Variants in PARM1 observed in about 807,000 individuals in gnomAD.
PARM1 encodes WSC4, cell wall integrity and stress response component 4 homolog.
In PARM1, 14 loss-of-function variants were observed where a neutral mutation model predicts 24.6. That is an observed-to-expected ratio of 0.57 (90% CI 0.38 to 0.89). The LOEUF is 0.89. PARM1 is among the 40% of genes least tolerant of loss of function. PARM1 has a pLI of 0.00. For synonymous variants in PARM1, 179 were observed against 156.6 expected (o/e 1.14, Z -1.07); for missense variants, 362 against 380.4 (o/e 0.95, Z 0.40).
chr4:74,964,165 A>G (rs1721842227), intron 1 of PARM1, among the ~76,000 whole-genome samples: 1 of 152,190 alleles, frequency 6.6e-6, no homozygotes, highest in African/African-American at 2.4e-5. Context: ...AGAGAGGGAC[A>G]AGTCAATTAG....
At chr4:74,995,636 A>G (rs574981785) in intron 1 of PARM1, among the ~76,000 whole-genome samples, 2 of 152,114 alleles carry the variant, frequency 1.3e-5, no homozygotes, top group Non-Finnish European at 2.9e-5. Flanking sequence ...TATGGGTCCT[A>G]TGAGAAGTAC....
rs182168283 is a variant in PARM1, at chr4:74,948,937, G to A, written c.43+15567G>A. 6.2e-3 allele frequency among the ~76,000 whole-genome samples: 944 copies of A among 152,140 alleles called. 4 individuals are homozygous for A. Among genetic ancestry groups the A allele is most frequent in the Non-Finnish European group, 0.01 (692 of 67,988 alleles). On this transcript the variant is annotated intron_variant, in intron 1 of 3. Coordinates refer to ENST00000307428, the MANE Select transcript of PARM1 (RefSeq NM_015393.4). ...CTTGGGAGGCTGAGGCAGAAGAATCGCTTGAACCCAGGAGGCGGAGGTTGC... is the reference window on the plus strand; with the variant it reads ...CTTGGGAGGCTGAGGCAGAAGAATCACTTGAACCCAGGAGGCGGAGGTTGC...
chr4:75,035,845 C>T (rs1723358350), intron 3 of PARM1, among the ~76,000 whole-genome samples: 1 of 152,110 alleles, frequency 6.6e-6, no homozygotes, highest in Non-Finnish European at 1.5e-5. Flanking sequence ...AAGTTTCCCC[C>T]AGATTTAAAA....
intron 1 of PARM1, among the ~76,000 whole-genome samples, chr4:74,933,687 T>C (rs1159330186): frequency 6.6e-6 from 1 of 152,334 alleles, no homozygotes; most frequent in Admixed American, 6.5e-5. Context: ...AGGCTTCTCT[T>C]TCTTCACCAG....
chr4:75,008,764 A>G (rs1390249034), intron 1 of PARM1, among the ~76,000 whole-genome samples: 1 of 152,186 alleles, frequency 6.6e-6, no homozygotes, highest in Non-Finnish European at 1.5e-5. Flanking sequence ...AAATTCTTGA[A>G]TGAATGAATG....
chr4:74,964,577 A>ACACACACACACACACACACACACT (rs377411929), intron 1 of PARM1, among the ~76,000 whole-genome samples: 5 of 151,926 alleles, frequency 3.3e-5, no homozygotes, highest in African/African-American at 7.3e-5. Flanking sequence ...ACACACACAC[A>ACACACACACACACACACACACACT]CATTGCATCC....
intron 2 of PARM1, among the ~76,000 whole-genome samples, chr4:75,015,424 G>A (rs1332459198): frequency 6.6e-6 from 1 of 152,184 alleles, no homozygotes; most frequent in Non-Finnish European, 1.5e-5. Context: ...GAAGAGAGGT[G>A]TGGCCGGTTA....
intron 3 of PARM1, 136 bp downstream of exon 3, chr4:75,034,097 G>T: frequency 1.4e-6 from 1 of 697,988 alleles, no homozygotes; most frequent in Non-Finnish European, 2.5e-6. Context: ...GAAAAATGGC[G>T]GGTGTACTCC....
At chr4:74,989,877 C>T (rs1722432445) in intron 1 of PARM1, among the ~76,000 whole-genome samples, 1 of 152,074 alleles carries the variant, frequency 6.6e-6, no homozygotes, top group African/African-American at 2.4e-5. Context: ...GTATATATAT[C>T]ACAATATCAC....
chr4:74,998,043 A>G (rs1722608594), intron 1 of PARM1, among the ~76,000 whole-genome samples: 1 of 152,168 alleles, frequency 6.6e-6, no homozygotes, highest in South Asian at 2.1e-4. Context: ...ATCTGTCAGC[A>G]ATGGTTGCAG....
chr4:75,031,954 A>G (rs1339959806), intron 2 of PARM1, among the ~76,000 whole-genome samples: 2 of 152,236 alleles, frequency 1.3e-5, no homozygotes, highest in Non-Finnish European at 2.9e-5. Flanking sequence ...AACACAGTTT[A>G]GAGGCCAACA....
chr4:74,945,811 A>G (rs1247436969), intron 1 of PARM1, among the ~76,000 whole-genome samples: 1 of 152,260 alleles, frequency 6.6e-6, no homozygotes, highest in Non-Finnish European at 1.5e-5. Context: ...TTTTGGCAAC[A>G]TTAAATTTCT....
chr4:75,009,928 G>T (rs1722840647), intron 1 of PARM1, among the ~76,000 whole-genome samples: 1 of 152,160 alleles, frequency 6.6e-6, no homozygotes, highest in Non-Finnish European at 1.5e-5. Flanking sequence ...AGACGAAAAT[G>T]AGCAAAGGGT....
At chr4:74,993,385 G>T (rs986438205) in intron 1 of PARM1, among the ~76,000 whole-genome samples, 7 of 152,106 alleles carry the variant, frequency 4.6e-5, no homozygotes, top group Admixed American at 1.3e-4. Context: ...GATGACTGAA[G>T]CCCTGGCTAC....
At chr4:75,031,050 T>C (rs964851224) in intron 2 of PARM1, among the ~76,000 whole-genome samples, 1 of 152,208 alleles carries the variant, frequency 6.6e-6, no homozygotes, top group African/African-American at 2.4e-5. Context: ...CAAACTGTGA[T>C]GCCCTCAGGT....
intron 1 of PARM1, among the ~76,000 whole-genome samples, chr4:75,012,024 G>T (rs894648004): frequency 6.6e-6 from 1 of 152,128 alleles, no homozygotes; most frequent in Admixed American, 6.5e-5. Context: ...CACTCCCAAT[G>T]TCCACACTCC....
intron 1 of PARM1, among the ~76,000 whole-genome samples, chr4:74,980,609 CTA>C (rs1434328979): frequency 6.6e-6 from 1 of 152,174 alleles, no homozygotes; most frequent in East Asian, 1.9e-4. Context: ...TTATAAAAAA[CTA>C]TTTTAAAATT....
chr4:75,038,373 C>T (rs1723412119), intron 3 of PARM1, among the ~76,000 whole-genome samples: 1 of 152,222 alleles, frequency 6.6e-6, no homozygotes, highest in African/African-American at 2.4e-5. Flanking sequence ...AGGTCAATTA[C>T]TGTTACTGCT....
chr4:74,934,710 C>T (rs538792063), intron 1 of PARM1, among the ~76,000 whole-genome samples: 2 of 152,290 alleles, frequency 1.3e-5, no homozygotes, highest in Admixed American at 6.5e-5. Context: ...GCGGAGCTCC[C>T]GGCTGGCTGC....
Sources: gnomAD v4.1 joint callset for allele counts (sites outside exome capture counted in the v4.1 genomes callset) on GRCh38, gnomAD v4.1.1 for gene constraint, MANE v1.5 for transcripts, NCBI Gene and HGNC (gene_info 2026-07-23, HGNC 2026-07-21) for gene names.